CHD4: variants seen among roughly 807,000 people sequenced by gnomAD.
CHD4 encodes the protein ATP-dependent chromatin remodeler CHD4.
In CHD4, 35 loss-of-function variants were observed where a neutral mutation model predicts 235.5. That is an observed-to-expected ratio of 0.15 (90% CI 0.11 to 0.20). The LOEUF is 0.20. Among genes scored for constraint, CHD4 ranks in the 10% least tolerant of loss-of-function variants. The probability of loss-of-function intolerance (pLI) is 1.00; values close to 1 mark genes in which losing one functional copy is unlikely to be tolerated. For missense variants in CHD4, 1,329 were observed against 2,432.3 expected, an observed-to-expected ratio of 0.55 and a Z score of 9.54; for synonymous variants, 900 against 850.2, an observed-to-expected ratio of 1.06 and a Z score of -1.02.
chr12:6,582,606 T>A lies in CHD4; in HGVS notation c.4370+9A>T. On this transcript the variant is annotated intron_variant, in intron 29 of 39. Coordinates refer to ENST00000544040, the MANE Select transcript of CHD4 (RefSeq NM_001273.5). The stretch of plus-strand genomic sequence containing the variant: ...GCTCTAGATCAGTCCACTCCAGCCC[T>A]CAACTCACTTGAACTCTTTCTCTGA... 1 of 1,606,362 alleles carries A rather than the reference T, an allele frequency of 6.2e-7. No homozygotes were observed. The highest frequency in any genetic ancestry group is 1.1e-5 in the South Asian group (1 of 89,616).
chr12:6,591,281 A>G, intron 22 of CHD4, 185 bp downstream of exon 22: 1 of 560,040 alleles, frequency 1.8e-6, no homozygotes, highest in Admixed American at 3.5e-5. Context: ...CAAATACCCC[A>G]AAAGAAAAAA....
chr12:6,597,646 G>A (rs985841348), intron 12 of CHD4, among the ~76,000 whole-genome samples: 1 of 151,880 alleles, frequency 6.6e-6, no homozygotes, highest in African/African-American at 2.4e-5. Context: ...TGCGCCTGTA[G>A]TCCCAGCTTC....
chr12:6,578,215 TC>T lies in CHD4; in HGVS notation c.5120-79del, dbSNP rs1948105644. 2.2e-6 allele frequency: 3 copies of T among 1,359,408 alleles called. No individual in the cohort carries two copies. The East Asian group carries it at 6.9e-5, about 31-fold the overall frequency. 84.2% of individuals were successfully genotyped at this position (1,359,408 alleles called of 1,614,324 possible). A position where few individuals can be genotyped will look rare whatever the true frequency, so the allele number is the denominator to read the frequency against. ...GAATTGAAAAAGCTACTTATTCTTG[TC>T]CCCCACCATCCCCTACCCCTGGATC... On this transcript the variant is annotated intron_variant, in intron 35 of 39. Coordinates refer to ENST00000544040, the MANE Select transcript of CHD4 (RefSeq NM_001273.5).
In CHD4 at chr12:6,600,564, T is replaced by G; in HGVS notation, c.1033A>C (p.Lys345Gln). 3.7e-6 allele frequency: 6 copies of G among 1,614,076 alleles called. No homozygotes were observed. The highest frequency in any genetic ancestry group is 5.1e-6 in the Non-Finnish European group (6 of 1,180,028). The change falls in exon 8 of 40, where the codon AAA becomes CAA. Residue 345 changes from lysine (K) to glutamine (Q), a missense_variant. By Grantham distance (53) the Lys-to-Gln change is moderately conservative. Around this residue, in one of 26 missense-constraint regions of CHD4, gnomAD observed 160 missense variants for 196.6 expected, o/e 0.81. Coordinates refer to ENST00000544040, the MANE Select transcript of CHD4 (RefSeq NM_001273.5). ...TTTTTCTTTTTAGTGGTTCGGAGTTTCTTGCGGCTGCGGCTACTACGGCTG... is the reference window on the plus strand; with the variant it reads ...TTTTTCTTTTTAGTGGTTCGGAGTTGCTTGCGGCTGCGGCTACTACGGCTG... ...STSRSSRSRKKLRTTKKKKKG... is the reference protein window; with the variant it reads ...STSRSSRSRKQLRTTKKKKKG...
intron 7 of CHD4, 61 bp downstream of exon 7, chr12:6,600,865 A>G (rs1437786123): frequency 5.2e-6 from 8 of 1,527,882 alleles, no homozygotes; most frequent in Middle Eastern, 3.5e-4. Flanking sequence ...GTTCTGATAG[A>G]AGGTCACATC....
chr12:6,603,404 G>A (rs894825632), intron 2 of CHD4, among the ~76,000 whole-genome samples: 1 of 152,118 alleles, frequency 6.6e-6, no homozygotes, highest in Non-Finnish European at 1.5e-5. Context: ...CCCAAAGGGG[G>A]GTGGGTAGAG....
intron 37 of CHD4, among the ~76,000 whole-genome samples, chr12:6,577,417 CA>C (rs60910415): frequency 0.037 from 3,207 of 87,300 alleles, 58 homozygotes; most frequent in African/African-American, 0.091. Context: ...GATTCTGCCT[CA>C]AAAAAAAAAA....
chr12:6,572,956 C>T, intron 38 of CHD4, 118 bp downstream of exon 38: 1 of 966,736 alleles, frequency 1.0e-6, no homozygotes. Context: ...AGATCCCTAG[C>T]ACCTCCTAAA....
chr12:6,593,476 C>A lies in CHD4; in HGVS notation c.2454G>T (p.Glu818Asp). ...CATTGTCTTCAAAGGAGAACTCATTCTCTCGGATGATGGCACGGCTGTCCT... is the reference window on the plus strand; with the variant it reads ...CATTGTCTTCAAAGGAGAACTCATTATCTCGGATGATGGCACGGCTGTCCT... ...GDKDSRAIIR[E>D]NEFSFEDNAI... is the part of the protein sequence containing the mutation. Residue 818 changes from glutamate (E) to aspartate (D), a missense_variant, in exon 16 of 40, where the codon GAG becomes GAT. Coordinates refer to ENST00000544040, the MANE Select transcript of CHD4 (RefSeq NM_001273.5). This position sits in a 1 kb window ranked among gnomAD's most constrained non-coding sequence, Gnocchi z 4.9. 1 of 1,614,184 alleles carries A rather than the reference C, an allele frequency of 6.2e-7. No individual in the cohort carries two copies. Among genetic ancestry groups the A allele is most frequent in the Non-Finnish European group, 8.5e-7 (1 of 1,180,042 alleles).
intron 10 of CHD4, among the ~76,000 whole-genome samples, 166 bp downstream of exon 10, chr12:6,599,607 A>G (rs140718531): frequency 1.3e-3 from 191 of 152,316 alleles, no homozygotes; most frequent in Middle Eastern, 6.8e-3. Context: ...AGTTAGTCCT[A>G]TATTTTCCCA....
chr12:6,601,585 G>C, intron 5 of CHD4, 55 bp from the exon 6 acceptor site: 1 of 1,612,840 alleles, frequency 6.2e-7, no homozygotes, highest in Non-Finnish European at 8.5e-7. Flanking sequence ...AAAAAAGAAA[G>C]AGAAGTAAGA....
chr12:6,581,355 T>C lies in CHD4; in HGVS notation c.4715A>G (p.Lys1572Arg). Residue 1572 changes from lysine to arginine, a missense_variant, in exon 32 of 40, where the codon AAA becomes AGA. By Grantham distance (26) the Lys-to-Arg change is conservative. Around this residue, in one of 26 missense-constraint regions of CHD4, gnomAD observed 219 missense variants for 219.3 expected, o/e 1.00. Transcript: ENST00000544040. ...TTCTCCTTCTATGCTCTCTTCTTCT[T>C]TGAGGCTATTTTCCTCTATTTTTAT... ...DGIKIEENSL[K>R]EEESIEGEKE... 6.2e-7 allele frequency: 1 copy of C among 1,614,176 alleles called. No individual in the cohort carries two copies. The highest frequency in any genetic ancestry group is 1.7e-5 in the Admixed American group (1 of 60,024).
At chr12:6,602,647 T>C (rs1948617510) in intron 2 of CHD4, 150 bp from the exon 3 acceptor site, 2 of 1,101,178 alleles carry the variant, frequency 1.8e-6, no homozygotes, top group East Asian at 2.4e-5. Flanking sequence ...AGGAAGCTGA[T>C]ACCCAGGACA....
At chr12:6,583,499 G>A in intron 25 of CHD4, 121 bp from the exon 26 acceptor site, 1 of 835,978 alleles carries the variant, frequency 1.2e-6, no homozygotes, top group Middle Eastern at 3.3e-4. Flanking sequence ...AATACTTGGT[G>A]TGCCTGTTTG....
At chr12:6,579,967 A>G (rs1336051125) in intron 33 of CHD4, among the ~76,000 whole-genome samples, 1 of 150,802 alleles carries the variant, frequency 6.6e-6, no homozygotes, top group Admixed American at 6.6e-5. Flanking sequence ...GAGGCAGGAG[A>G]ATGGTGTGAA....
chr12:6,603,405 G>A (rs1042761391), intron 2 of CHD4, among the ~76,000 whole-genome samples: 1 of 152,146 alleles, frequency 6.6e-6, no homozygotes, highest in Non-Finnish European at 1.5e-5. Context: ...CCAAAGGGGG[G>A]TGGGTAGAGA....
chr12:6,580,714 A>AAAAAACAAAC, intron 33 of CHD4: 2 of 229,224 alleles, frequency 8.7e-6, no homozygotes, highest in Non-Finnish European at 1.6e-5. Context: ...GAAAAAAAAA[A>AAAAAACAAAC]AAAAAAAAAA....
At chr12:6,582,982 A>C (rs1382634170) in intron 27 of CHD4, 45 bp downstream of exon 27, 1 of 1,600,226 alleles carries the variant, frequency 6.2e-7, no homozygotes, top group South Asian at 1.1e-5. Context: ...AGGATATTAA[A>C]CAAAGCAACA....
rs1341668018 is a variant in CHD4 at position 6,602,394 on chromosome 12, G to C, written c.204C>G (p.Ser68Arg). The change falls in exon 3 of 40, where the codon AGC becomes AGG. Residue 68 changes from serine (S) to arginine (R), a missense_variant. This residue lies in a region of CHD4 where 213 missense variants were observed against 177.5 expected (regional missense o/e 1.20). Transcript: ENST00000544040. ...KKPRDPKIPK[S>R]KRQKKERMLL... ...CACTCACCTCCTTTTTTTGGCGCTT[G>C]CTCTTAGGGATTTTAGGGTCCCGAG... 6.2e-6 allele frequency: 10 copies of C among 1,613,546 alleles called. No individual in the cohort carries two copies. Among genetic ancestry groups the C allele is most frequent in the Middle Eastern group, 1.6e-4 (1 of 6,062 alleles).
Sources: allele counts gnomAD v4.1 joint callset (sites outside exome capture counted in the v4.1 genomes callset), GRCh38; gene constraint gnomAD v4.1.1; regional missense constraint gnomAD v4.1.1; non-coding constraint Gnocchi (gnomAD v3.1); transcripts MANE v1.5; gene names NCBI Gene and HGNC (gene_info 2026-07-23, HGNC 2026-07-21).